USP42: variants seen among roughly 807,000 people sequenced by gnomAD.
USP42 encodes the protein ubiquitin carboxyl-terminal hydrolase 42.
USP42 carries 23 observed loss-of-function variants against 113.0 expected under a neutral mutation model. That is an observed-to-expected ratio of 0.20 (90% CI 0.15 to 0.29). The LOEUF (loss-of-function observed/expected upper bound fraction) is 0.29, where lower values mean the gene tolerates loss of function less well. USP42 is among the 10% of genes least tolerant of loss of function. The pLI is 1.00. For missense variants in USP42, 2,174 were observed against 1,779.8 expected (o/e 1.22, Z -3.99); for synonymous variants, 933 against 699.0 (o/e 1.33, Z -5.28).
At chr7:6,106,697 T>G (rs1163099541) in intron 1 of USP42, among the ~76,000 whole-genome samples, 3 of 151,744 alleles carry the variant, frequency 2.0e-5, no homozygotes, top group African/African-American at 7.3e-5. Flanking sequence ...CCTAAGTAGG[T>G]AGGACTACAG....
At position 6,139,190 on chromosome 7, in the gene USP42, A is replaced by T; in HGVS notation, c.652A>T (p.Asn218Tyr). 6.2e-7 allele frequency: 1 copy of T among 1,600,432 alleles called. No individual in the cohort carries two copies. Among genetic ancestry groups the T allele is most frequent in the East Asian group, 2.2e-5 (1 of 44,628 alleles). Residue 218 changes from asparagine to tyrosine, a missense_variant, in exon 5 of 18, where the codon AAT becomes TAT. Asn to Tyr is a moderately radical substitution (Grantham distance 143, BLOSUM62 -2). Transcript: ENST00000306177. The surrounding 1 kb of genome is among the most constrained non-coding windows in gnomAD (Gnocchi z 4.5). ...GCAGAAAGCATGCTTGAATGGCAGC[A>T]ATAAGTAAGTACAACAGAGCGCCAG... ...AMQKACLNGSNKLDRHTQATT... is the reference protein window; with the variant it reads ...AMQKACLNGSYKLDRHTQATT...
rs1782297290 is a variant in USP42, at chr7:6,154,529, A to G, written c.2975A>G (p.Asp992Gly). 6.5e-7 allele frequency: 1 copy of G among 1,542,534 alleles called. No individual in the cohort carries two copies. Among genetic ancestry groups the G allele is most frequent in the African/African-American group, 1.4e-5 (1 of 72,764 alleles). The change falls in exon 15 of 18, where the codon GAC (aspartate) becomes GGC (glycine). Residue 992 changes from aspartate (D) to glycine (G), a missense_variant. Coordinates refer to ENST00000306177, the MANE Select transcript of USP42 (RefSeq NM_032172.3). ...RTCPRERDRQ[D>G]RHAPEHHPGH... ...TGCCCCCGGGAGCGCGACCGCCAGG[A>G]CCGCCACGCCCCGGAGCACCACCCC...
chr7:6,126,852 G>C (rs756806074), intron 3 of USP42, among the ~76,000 whole-genome samples: 2 of 152,140 alleles, frequency 1.3e-5, no homozygotes, highest in African/African-American at 2.4e-5. Flanking sequence ...AGCTCTTTTT[G>C]TCAGCATGTC....
At position 6,118,193 on chromosome 7, in the gene USP42, A is replaced by C. The variant is rs1780019823; in HGVS notation, c.442+2670A>C. ...TAGATCACTTGAGCCCAGGATTTCAAGACTAGCCTGGGCAACGTAGGGAGA... is the reference window on the plus strand; with the variant it reads ...TAGATCACTTGAGCCCAGGATTTCACGACTAGCCTGGGCAACGTAGGGAGA... On this transcript the variant is annotated intron_variant, in intron 3 of 17. Coordinates refer to ENST00000306177, the MANE Select transcript of USP42 (RefSeq NM_032172.3). 5.9e-5 allele frequency among the ~76,000 whole-genome samples: 9 copies of C among 152,226 alleles called. No homozygotes were observed. The South Asian group carries it at 1.9e-3, about 32-fold the overall frequency.
the USP42 span, chr7:6,081,664 G>C: frequency 6.6e-6 from 1 of 152,244 alleles, no homozygotes; most frequent in South Asian, 2.1e-4. Context: ...ATGCTCTCTG[G>C]TGGGCTAGTC....
chr7:6,133,927 G>A (rs1250525375), intron 3 of USP42, among the ~76,000 whole-genome samples: 1 of 132,976 alleles, frequency 7.5e-6, no homozygotes, highest in Non-Finnish European at 1.5e-5. Flanking sequence ...GTCTTGCTCT[G>A]TCGCCCAGGC....
intron 8 of USP42, 71 bp downstream of exon 8, chr7:6,143,085 G>T: frequency 6.5e-7 from 1 of 1,534,758 alleles, no homozygotes; most frequent in Non-Finnish European, 9.0e-7. Context: ...CTTGGTTTGA[G>T]AGAGTTTGGT....
chr7:6,081,869 G>C, the USP42 span: 2 of 152,072 alleles, frequency 1.3e-5, no homozygotes, highest in African/African-American at 2.4e-5. Context: ...TGAGTTTCCT[G>C]ACTTTTATAT....
intron 3 of USP42, among the ~76,000 whole-genome samples, chr7:6,134,650 C>A (rs1286844247): frequency 6.6e-6 from 1 of 152,170 alleles, no homozygotes; most frequent in African/African-American, 2.4e-5. Flanking sequence ...CCACTAGATG[C>A]TGCAGCATCA....
chr7:6,140,471 C>CA (rs558520802), intron 6 of USP42, among the ~76,000 whole-genome samples: 242 of 151,054 alleles, frequency 1.6e-3, no homozygotes, highest in African/African-American at 5.7e-3. Context: ...ACAGGCCTAA[C>CA]AGCCTTCGAC....
Position 6,140,115 on chromosome 7 carries a change from C to A in USP42, c.657-13C>A, listed in dbSNP as rs1304858715. The A allele has an allele frequency of 6.2e-7, 1 of 1,613,436 alleles. No individual in the cohort carries two copies. Among genetic ancestry groups the A allele is most frequent in the East Asian group, 2.2e-5 (1 of 44,888 alleles). ...AAAGCTCTTCTCTCATGTCACTGTT[C>A]AACGTTTTTCAGATTAGACAGACAC... On this transcript the variant is annotated splice_polypyrimidine_tract_variant and intron_variant, in intron 5 of 17. Transcript: ENST00000306177.
At chr7:6,123,708 C>T (rs1231540627) in intron 3 of USP42, among the ~76,000 whole-genome samples, 11 of 151,338 alleles carry the variant, frequency 7.3e-5, no homozygotes, top group Admixed American at 7.3e-4. Context: ...ATTAGCTAGG[C>T]GTGGTGGTGT....
At chr7:6,114,670 ATATATATATTTTTTTTT>A (rs1216852863) in intron 2 of USP42, among the ~76,000 whole-genome samples, 2 of 39,702 alleles carry the variant, frequency 5.0e-5, no homozygotes, top group Non-Finnish European at 8.6e-5. Context: ...ATATATATAT[ATATATATATTTTTTTTT>A]TTTTTTTTTT....
chr7:6,156,635 A>T, intron 15 of USP42, 119 bp from the exon 16 acceptor site: 3 of 1,395,522 alleles, frequency 2.1e-6, no homozygotes, highest in Non-Finnish European at 2.8e-6. Flanking sequence ...ATTAGATAAG[A>T]ATTGTGCGTG....
Position 6,154,135 on chromosome 7 carries a change from G to C in USP42, c.2581G>C (p.Ala861Pro). Residue 861 changes from alanine (A) to proline (P), a missense_variant, in exon 15 of 18, where the codon GCG (alanine) becomes CCG (proline). Transcript: ENST00000306177. The part of the protein sequence containing the change: ...APEGLSPAPP[A>P]RSEEPCEQPL... ...GGAAGGGTTGAGTCCGGCTCCGCCT[G>C]CGCGGTCGGAGGAGCCCTGCGAGCA... is the stretch of plus-strand genomic sequence containing the variant. 6.3e-7 allele frequency: 1 copy of C among 1,597,858 alleles called. No homozygotes were observed. The highest frequency in any genetic ancestry group is 8.5e-7 in the Non-Finnish European group (1 of 1,173,852).
At position 6,155,159 on chromosome 7, in the gene USP42, A is replaced by G. The variant is rs1334361944; in HGVS notation, c.3605A>G (p.Lys1202Arg). The G allele has an allele frequency of 6.5e-7, 1 of 1,543,716 alleles. No homozygotes were observed. Among genetic ancestry groups the G allele is most frequent in the East Asian group, 2.4e-5 (1 of 40,910 alleles). The part of the protein sequence containing the change: ...AKKHKKSKKK[K>R]KSKDKHRDRD... ...AAGCACAAAAAATCAAAGAAGAAAA[A>G]GAAATCCAAAGACAAACACCGAGAC... Residue 1202 changes from lysine (K) to arginine (R), a missense_variant, in exon 15 of 18, where the codon AAG becomes AGG. Lys to Arg is a conservative substitution (Grantham distance 26, BLOSUM62 2). Transcript: ENST00000306177.
intron 3 of USP42, among the ~76,000 whole-genome samples, chr7:6,118,381 G>T (rs1481668869): frequency 6.6e-6 from 1 of 152,104 alleles, no homozygotes; most frequent in Admixed American, 6.6e-5. Context: ...AATTATCTGG[G>T]CTTGGCGGTG....
At position 6,144,122 on chromosome 7, in the gene USP42, A is replaced by G; in HGVS notation, c.916A>G (p.Ile306Val). 2 of 1,586,774 alleles carry G rather than the reference A, an allele frequency of 1.3e-6. No individual in the cohort carries two copies. The highest frequency in any genetic ancestry group is 1.7e-6 in the Non-Finnish European group (2 of 1,171,958). Residue 306 changes from isoleucine (I) to valine (V), a missense_variant, in exon 9 of 18, where the codon ATC (isoleucine) becomes GTC (valine). Transcript: ENST00000306177. ...GGTTCCAGCTTCAAAGAGGTTCACT[A>G]TCCATAGATCCTCTAATGTTCTTAC... ...KMVPASKRFT[I>V]HRSSNVLTLS... is the part of the protein sequence containing the mutation.
intron 3 of USP42, among the ~76,000 whole-genome samples, chr7:6,129,023 G>A (rs901376827): frequency 2.0e-5 from 3 of 152,048 alleles, no homozygotes; most frequent in African/African-American, 7.2e-5. Flanking sequence ...TGTTGCCCAG[G>A]CTGGTCTCAA....
Sources: gnomAD v4.1 joint callset for allele counts (sites outside exome capture counted in the v4.1 genomes callset) on GRCh38, gnomAD v4.1.1 for gene constraint, Gnocchi (gnomAD v3.1) non-coding constraint, MANE v1.5 for transcripts, NCBI Gene and HGNC (gene_info 2026-07-23, HGNC 2026-07-21) for gene names.